Variants in ARHGEF28 observed in about 807,000 individuals in gnomAD.
The protein encoded by ARHGEF28 is 190 kDa guanine nucleotide exchange factor.
Under a neutral mutation model 206.6 loss-of-function variants are expected in ARHGEF28, and 152 were observed. The ratio of observed to expected loss-of-function variants is 0.74; its 90% CI spans 0.64 to 0.84. The LOEUF is 0.84. Among genes scored for constraint, ARHGEF28 ranks in the 40% least tolerant of loss-of-function variants. The pLI is 0.00. For missense variants in ARHGEF28, 2,028 were observed against 2,073.2 expected, an observed-to-expected ratio of 0.98 and a Z score of 0.42; for synonymous variants, 763 against 776.4, an observed-to-expected ratio of 0.98 and a Z score of 0.29.
intron 9 of ARHGEF28, chr5:73,828,219 T>C (rs887832047): frequency 4.6e-5 from 7 of 152,236 alleles, no homozygotes; most frequent in African/African-American, 1.7e-4. Flanking sequence ...CTGCTGGTTT[T>C]AAGCCCATTA....
intron 9 of ARHGEF28, among the ~76,000 whole-genome samples, chr5:73,799,040 C>T (rs1055807307): frequency 2.6e-5 from 4 of 152,172 alleles, no homozygotes; most frequent in Non-Finnish European, 4.4e-5. Context: ...GAGCCAAGAT[C>T]GCACCGTTCA....
At chr5:73,730,507 A>G (rs1750548558) in intron 2 of ARHGEF28, among the ~76,000 whole-genome samples, 1 of 148,998 alleles carries the variant, frequency 6.7e-6, no homozygotes, top group Non-Finnish European at 1.5e-5. Flanking sequence ...TAATCAATAT[A>G]GGTTCAAACT....
intron 7 of ARHGEF28, among the ~76,000 whole-genome samples, chr5:73,793,333 A>G (rs1754597008): frequency 6.6e-6 from 1 of 152,246 alleles, no homozygotes; most frequent in Non-Finnish European, 1.5e-5. Context: ...GTAGAGCCAT[A>G]TAAATGAATA....
intron 1 of ARHGEF28, among the ~76,000 whole-genome samples, chr5:73,677,083 C>T (rs923526511): frequency 1.3e-5 from 2 of 152,200 alleles, no homozygotes; most frequent in Admixed American, 1.3e-4. Context: ...AATCTGTTCT[C>T]TCTAAATATG....
chr5:73,757,030 T>G (rs888308377), intron 4 of ARHGEF28, among the ~76,000 whole-genome samples: 11 of 152,252 alleles, frequency 7.2e-5, no homozygotes, highest in Non-Finnish European at 1.3e-4. Context: ...CATAACCATT[T>G]GGTGGGGTTC....
chr5:73,797,317 A>G (rs1219122860), intron 9 of ARHGEF28, among the ~76,000 whole-genome samples: 3 of 152,236 alleles, frequency 2.0e-5, no homozygotes, highest in East Asian at 3.8e-4. Context: ...GCTGTGAGCA[A>G]TAGTCAGATG....
intron 2 of ARHGEF28, among the ~76,000 whole-genome samples, chr5:73,715,453 T>C (rs554578231): frequency 4.6e-5 from 7 of 152,244 alleles, no homozygotes; most frequent in East Asian, 1.9e-4. Flanking sequence ...TTCCGTATTA[T>C]AAGGTAGGGT....
At chr5:73,857,410 C>T (rs942540190) in intron 14 of ARHGEF28, among the ~76,000 whole-genome samples, 1 of 152,092 alleles carries the variant, frequency 6.6e-6, no homozygotes, top group African/African-American at 2.4e-5. Context: ...TACCCACTTC[C>T]ACCACCTATG....
At chr5:73,820,453 T>G (rs1388924632) in intron 9 of ARHGEF28, among the ~76,000 whole-genome samples, 2 of 152,116 alleles carry the variant, frequency 1.3e-5, no homozygotes, top group African/African-American at 4.8e-5. Flanking sequence ...TGGGTCCTCC[T>G]AGGTTCTGCT....
Position 73,652,980 on chromosome 5 carries a change from C to T in ARHGEF28, c.-12+26658C>T, listed in dbSNP as rs948256025. ...AACTACTTCTTGGAAAGAAAGATGCCGTCAGTGTGTAGTTAATGTGTATCA... is the reference window on the plus strand; with the variant it reads ...AACTACTTCTTGGAAAGAAAGATGCTGTCAGTGTGTAGTTAATGTGTATCA... On this transcript the variant is annotated intron_variant, in intron 1 of 35. Coordinates refer to ENST00000513042, the MANE Select transcript of ARHGEF28 (RefSeq NM_001177693.2). Among the ~76,000 whole-genome samples, 64 of 152,106 alleles carry T rather than the reference C, an allele frequency of 4.2e-4. 1 individual carries two copies. The highest frequency in any genetic ancestry group is 5.9e-5 in the Non-Finnish European group (4 of 68,012).
At chr5:73,869,801 G>A (rs1440882628) in intron 20 of ARHGEF28, among the ~76,000 whole-genome samples, 1 of 152,102 alleles carries the variant, frequency 6.6e-6, no homozygotes, top group East Asian at 1.9e-4. Context: ...CTTGCTACTT[G>A]GGAGGCTGAG....
At position 73,874,640 on chromosome 5, in the gene ARHGEF28, T is replaced by A. The variant is rs1313653376; in HGVS notation, c.2814+1394T>A. On this transcript the variant is annotated intron_variant, in intron 22 of 35. Transcript: ENST00000513042. ...GTGTCCATGTGTTCTTATTGTTCAA[T>A]TCCCATCTATGAGTGAGAACATGCG... 2.7e-5 allele frequency among the ~76,000 whole-genome samples: 4 copies of A among 145,714 alleles called. No homozygotes were observed. The East Asian group carries it at 8.4e-4, about 31-fold the overall frequency.
intron 1 of ARHGEF28, among the ~76,000 whole-genome samples, chr5:73,670,683 A>G (rs1746248988): frequency 6.6e-6 from 1 of 152,160 alleles, no homozygotes; most frequent in South Asian, 2.1e-4. Flanking sequence ...TGTGTTAGCC[A>G]TTTTGAATGG....
Position 73,753,213 on chromosome 5 carries a change from A to C in ARHGEF28, c.475+11A>C, listed in dbSNP as rs760707864. 1 of 1,516,544 alleles carries C rather than the reference A, an allele frequency of 6.6e-7. No homozygotes were observed. The highest frequency in any genetic ancestry group is 8.8e-7 in the Non-Finnish European group (1 of 1,134,246). 93.9% of individuals were successfully genotyped at this position (1,516,544 alleles called of 1,614,324 possible). A position where few individuals can be genotyped will look rare whatever the true frequency, so the allele number is the denominator to read the frequency against. On this transcript the variant is annotated intron_variant, in intron 4 of 35. Coordinates refer to ENST00000513042, the MANE Select transcript of ARHGEF28 (RefSeq NM_001177693.2). Reference sequence around the variant, plus strand: ...GTTCTTCACTTGAAGGTGGGTCATCACCAGAAAATTCAGATATCCCCTCTG... The same window carrying C: ...GTTCTTCACTTGAAGGTGGGTCATCCCCAGAAAATTCAGATATCCCCTCTG...
rs193119048 is a variant in ARHGEF28, at chr5:73,751,569, A to G, written c.182-1340A>G. 6.9e-4 allele frequency among the ~76,000 whole-genome samples: 105 copies of G among 152,302 alleles called. 2 individuals are homozygous for G. In the East Asian group the frequency reaches 0.019, roughly 27 times the overall value. On this transcript the variant is annotated intron_variant, in intron 3 of 35. Coordinates refer to ENST00000513042, the MANE Select transcript of ARHGEF28 (RefSeq NM_001177693.2). ...CTCCTTTATCAAGCCCTTATAGAGAAAGGATAAAAAATAATAACTAAAGTG... is the reference window on the plus strand; with the variant it reads ...CTCCTTTATCAAGCCCTTATAGAGAGAGGATAAAAAATAATAACTAAAGTG...
intron 4 of ARHGEF28, among the ~76,000 whole-genome samples, chr5:73,766,023 G>T (rs1752877990): frequency 1.3e-5 from 2 of 151,740 alleles, no homozygotes; most frequent in African/African-American, 2.4e-5. Context: ...GCAGTGGCGG[G>T]TGCCTGTAGT....
intron 1 of ARHGEF28, among the ~76,000 whole-genome samples, chr5:73,647,446 C>T (rs1263670377): frequency 6.6e-6 from 1 of 152,172 alleles, no homozygotes; most frequent in Non-Finnish European, 1.5e-5. Flanking sequence ...ATACTCACAC[C>T]TAACTTCAGG....
chr5:73,687,542 A>G (rs1464861495), intron 2 of ARHGEF28, among the ~76,000 whole-genome samples: 1 of 152,056 alleles, frequency 6.6e-6, no homozygotes, highest in African/African-American at 2.4e-5. Context: ...TGAGTCTTAA[A>G]CCAAAATCTA....
At chr5:73,750,471 C>G (rs1751967446) in intron 3 of ARHGEF28, among the ~76,000 whole-genome samples, 1 of 151,960 alleles carries the variant, frequency 6.6e-6, no homozygotes, top group African/African-American at 2.4e-5. Flanking sequence ...TTCCTTGATG[C>G]CCTGTCCATC....
Sources: allele counts gnomAD v4.1 joint callset (sites outside exome capture counted in the v4.1 genomes callset), GRCh38; gene constraint gnomAD v4.1.1; transcripts MANE v1.5; gene names NCBI Gene and HGNC (gene_info 2026-07-23, HGNC 2026-07-21).